GALNT13: variants seen among roughly 807,000 people sequenced by gnomAD.
GALNT13 encodes the protein UDP-GalNAc:polypeptide N-acetylgalactosaminyltransferase 13.
A neutral mutation model predicts 64.2 loss-of-function variants in GALNT13; 28 were observed. The ratio of observed to expected loss-of-function variants is 0.44; its 90% CI spans 0.32 to 0.60. The LOEUF is 0.60. Among genes scored for constraint, GALNT13 ranks in the 20% least tolerant of loss-of-function variants. GALNT13 has a pLI of 0.05. For synonymous variants in GALNT13, 214 were observed against 224.6 expected (o/e 0.95, Z 0.42); for missense variants, 577 against 669.8 (o/e 0.86, Z 1.53).
At chr2:153,516,629 A>C in the GALNT13 span, among the ~76,000 whole-genome samples, 1 of 152,108 alleles carries the variant, frequency 6.6e-6, no homozygotes, top group African/African-American at 2.4e-5. Flanking sequence ...ATAGAGAATA[A>C]TTGAAGTGAG....
the GALNT13 span, among the ~76,000 whole-genome samples, chr2:153,083,286 G>A: frequency 6.6e-6 from 1 of 152,120 alleles, no homozygotes; most frequent in Non-Finnish European, 1.5e-5. Context: ...ATTTCTTTAA[G>A]GAATCTCTTA....
chr2:153,226,157 C>G, the GALNT13 span, among the ~76,000 whole-genome samples: 2 of 152,048 alleles, frequency 1.3e-5, no homozygotes, highest in Non-Finnish European at 2.9e-5. Context: ...TGGTCTCGAA[C>G]TCCTGACCTC....
chr2:153,653,002 A>G, the GALNT13 span, among the ~76,000 whole-genome samples: 51 of 152,286 alleles, frequency 3.3e-4, no homozygotes, highest in African/African-American at 9.6e-4. Flanking sequence ...ATACATACAT[A>G]TATGTATATG....
chr2:154,108,679 A>G (rs1156548833), intron 3 of GALNT13, among the ~76,000 whole-genome samples: 2 of 137,362 alleles, frequency 1.5e-5, no homozygotes, highest in African/African-American at 3.0e-5. Context: ...TTATGTAATT[A>G]TTCCGTGATT....
chr2:153,760,740 A>T, the GALNT13 span, among the ~76,000 whole-genome samples: 2 of 152,130 alleles, frequency 1.3e-5, no homozygotes, highest in Non-Finnish European at 2.9e-5. Context: ...TGTCTATTAC[A>T]TCCGTTTGGT....
In GALNT13 at chr2:154,242,861, G is replaced by T; in HGVS notation, c.642G>T (p.Thr214=). Residue 214 remains threonine, a synonymous_variant, in exon 6 of 13, where the codon ACG becomes ACT. Coordinates refer to ENST00000392825, the MANE Select transcript of GALNT13 (RefSeq NM_052917.4). ...ITFLDAHCEC[T]LGWLEPLLAR... is the part of the protein sequence containing the mutation. The stretch of plus-strand genomic sequence containing the variant: ...TTCTTGATGCACACTGTGAATGCAC[G>T]TTAGGATGGCTGGAGCCTTTGCTGG... 6.2e-7 allele frequency: 1 copy of T among 1,614,160 alleles called. No individual in the cohort carries two copies. The highest frequency in any genetic ancestry group is 8.5e-7 in the Non-Finnish European group (1 of 1,180,018).
chr2:153,102,354 C>A, the GALNT13 span, among the ~76,000 whole-genome samples: 3 of 151,562 alleles, frequency 2.0e-5, no homozygotes, highest in Non-Finnish European at 4.4e-5. Flanking sequence ...TTTTTTAAAT[C>A]TCAGAAGTAT....
intron 9 of GALNT13, among the ~76,000 whole-genome samples, chr2:154,391,896 C>T (rs906100820): frequency 6.6e-6 from 1 of 151,872 alleles, no homozygotes; most frequent in Admixed American, 6.6e-5. Context: ...TAAAGACAGA[C>T]CTAGGAAGAT....
chr2:153,742,405 A>C, the GALNT13 span, among the ~76,000 whole-genome samples: 1 of 152,094 alleles, frequency 6.6e-6, no homozygotes, highest in Admixed American at 6.6e-5. Context: ...AATGAAAGCA[A>C]ATTTTTCTTT....
At chr2:153,552,810 C>G in the GALNT13 span, among the ~76,000 whole-genome samples, 1 of 151,998 alleles carries the variant, frequency 6.6e-6, no homozygotes, top group South Asian at 2.1e-4. Context: ...TGTTCCATCT[C>G]AGATCATCAG....
At chr2:153,305,352 C>A in the GALNT13 span, among the ~76,000 whole-genome samples, 1 of 152,194 alleles carries the variant, frequency 6.6e-6, no homozygotes, top group South Asian at 2.1e-4. Flanking sequence ...GTCATCAAAC[C>A]CCTTCAGATT....
the GALNT13 span, among the ~76,000 whole-genome samples, chr2:153,817,100 C>T: frequency 6.6e-6 from 1 of 152,322 alleles, no homozygotes; most frequent in East Asian, 1.9e-4. Context: ...AGAAGTGCTA[C>T]ATTTAAGATC....
the GALNT13 span, among the ~76,000 whole-genome samples, chr2:153,844,896 G>T: frequency 6.6e-6 from 1 of 152,106 alleles, no homozygotes; most frequent in Non-Finnish European, 1.5e-5. Flanking sequence ...CCAACTCTTT[G>T]CTAAGGCATA....
At chr2:154,284,824 T>C (rs1368419016) in intron 8 of GALNT13, among the ~76,000 whole-genome samples, 1 of 152,140 alleles carries the variant, frequency 6.6e-6, no homozygotes, top group Non-Finnish European at 1.5e-5. Flanking sequence ...TGTACAAGGG[T>C]TCCCTTTTCT....
At chr2:154,322,765 G>A (rs1286502967) in intron 9 of GALNT13, among the ~76,000 whole-genome samples, 2 of 151,994 alleles carry the variant, frequency 1.3e-5, no homozygotes, top group Non-Finnish European at 2.9e-5. Context: ...GGATTCTGTG[G>A]GTAAGGAGCT....
chr2:153,956,089 A>G (rs1025273304), intron 3 of GALNT13, among the ~76,000 whole-genome samples: 1 of 152,194 alleles, frequency 6.6e-6, no homozygotes, highest in Non-Finnish European at 1.5e-5. Flanking sequence ...CTAAGCAAAA[A>G]CCAAAAGCCA....
intron 3 of GALNT13, among the ~76,000 whole-genome samples, chr2:154,086,651 C>T (rs1169963875): frequency 6.6e-6 from 1 of 151,844 alleles, no homozygotes; most frequent in Non-Finnish European, 1.5e-5. Flanking sequence ...TTTGGTGATA[C>T]TTTAAATCAT....
chr2:153,431,546 G>A, the GALNT13 span, among the ~76,000 whole-genome samples: 1 of 152,180 alleles, frequency 6.6e-6, no homozygotes. Context: ...TGGTTCTCGA[G>A]ACCATGTTCA....
At chr2:154,034,171 A>C (rs1698516613) in intron 3 of GALNT13, among the ~76,000 whole-genome samples, 1 of 152,164 alleles carries the variant, frequency 6.6e-6, no homozygotes, top group Admixed American at 6.5e-5. Flanking sequence ...CTTATACGTA[A>C]ATATTATAGC....
Sources: gnomAD v4.1 joint callset for allele counts (sites outside exome capture counted in the v4.1 genomes callset) on GRCh38, gnomAD v4.1.1 for gene constraint, MANE v1.5 for transcripts, NCBI Gene and HGNC (gene_info 2026-07-23, HGNC 2026-07-21) for gene names.